Variants in PAWR observed in about 807,000 individuals in gnomAD.
PAWR encodes the protein PRKC apoptosis WT1 regulator protein.
Under a neutral mutation model 32.0 loss-of-function variants are expected in PAWR, and 23 were observed. The observed-to-expected ratio is 0.72, with a 90% CI of 0.52 to 1.02. The LOEUF (loss-of-function observed/expected upper bound fraction) is 1.02, where lower values mean the gene tolerates loss of function less well. Among genes scored for constraint, PAWR ranks in the 50% least tolerant of loss-of-function variants. PAWR has a pLI of 0.00. For missense variants in PAWR, 457 were observed against 437.7 expected (o/e 1.04, Z -0.39); for synonymous variants, 226 against 187.1 (o/e 1.21, Z -1.70).
chr12:79,657,846 C>A (rs1474552296), intron 2 of PAWR, among the ~76,000 whole-genome samples: 1 of 149,944 alleles, frequency 6.7e-6, no homozygotes, highest in Non-Finnish European at 1.5e-5. Context: ...TAAAGGGTAC[C>A]AACATTTAAG....
At chr12:79,659,744 TCAAC>T (rs1169352822) in intron 2 of PAWR, among the ~76,000 whole-genome samples, 2 of 152,168 alleles carry the variant, frequency 1.3e-5, no homozygotes, top group Admixed American at 6.5e-5. Flanking sequence ...AAAAACAACA[TCAAC>T]CAAGTTTTTA....
chr12:79,643,433 G>A (rs933287058), intron 2 of PAWR, among the ~76,000 whole-genome samples: 2 of 152,010 alleles, frequency 1.3e-5, no homozygotes, highest in African/African-American at 2.4e-5. Context: ...TCAACAAAAC[G>A]TCCAGGTACC....
intron 3 of PAWR, among the ~76,000 whole-genome samples, chr12:79,619,548 A>G (rs1213239387): frequency 6.6e-6 from 1 of 152,208 alleles, no homozygotes; most frequent in African/African-American, 2.4e-5. Flanking sequence ...TATAGCGTTC[A>G]GTACTATCTA....
chr12:79,645,630 G>A (rs934310720), intron 2 of PAWR, among the ~76,000 whole-genome samples: 19 of 152,152 alleles, frequency 1.2e-4, no homozygotes, highest in Admixed American at 1.2e-3. Flanking sequence ...CCTGTACAAA[G>A]TCATCTTCCT....
chr12:79,657,587 C>T (rs866845469), intron 2 of PAWR, among the ~76,000 whole-genome samples: 12 of 151,958 alleles, frequency 7.9e-5, no homozygotes, highest in Admixed American at 3.9e-4. Flanking sequence ...GTCAGAAGAC[C>T]GAGACCATCT....
At chr12:79,684,577 C>T (rs1433965058) in intron 2 of PAWR, among the ~76,000 whole-genome samples, 3 of 151,110 alleles carry the variant, frequency 2.0e-5, no homozygotes, top group Non-Finnish European at 4.4e-5. Flanking sequence ...CACCACATGC[C>T]ACTGTACTCC....
At chr12:79,612,196 A>T (rs1349801728) in intron 4 of PAWR, among the ~76,000 whole-genome samples, 1 of 152,238 alleles carries the variant, frequency 6.6e-6, no homozygotes, top group South Asian at 2.1e-4. Flanking sequence ...GTTTCATTAT[A>T]CCTACATCAA....
At chr12:79,639,642 G>A (rs978817663) in intron 2 of PAWR, among the ~76,000 whole-genome samples, 2 of 151,878 alleles carry the variant, frequency 1.3e-5, no homozygotes, top group East Asian at 3.9e-4. Context: ...TTTATATAAT[G>A]CATACCTTCA....
At chr12:79,593,751 G>A (rs1156524471) in intron 6 of PAWR, among the ~76,000 whole-genome samples, 1 of 142,942 alleles carries the variant, frequency 7.0e-6, no homozygotes, top group Non-Finnish European at 1.5e-5. Context: ...TGCCCAGGCT[G>A]GAGTGCAGCA....
chr12:79,651,348 C>T (rs1006295957), intron 2 of PAWR, among the ~76,000 whole-genome samples: 1 of 151,968 alleles, frequency 6.6e-6, no homozygotes, highest in Non-Finnish European at 1.5e-5. Flanking sequence ...AATGCAATCT[C>T]CAAAAAAAGT....
chr12:79,596,014 G>C (rs1402807921), intron 5 of PAWR, among the ~76,000 whole-genome samples: 1 of 152,010 alleles, frequency 6.6e-6, no homozygotes, highest in Non-Finnish European at 1.5e-5. Context: ...ATATAAATTA[G>C]ATCTTTAATA....
chr12:79,663,943 T>A (rs1010029069), intron 2 of PAWR, among the ~76,000 whole-genome samples: 1 of 152,016 alleles, frequency 6.6e-6, no homozygotes, highest in African/African-American at 2.4e-5. Context: ...CAAAAATAAA[T>A]CCAACTACAA....
At chr12:79,645,102 C>T (rs1876512971) in intron 2 of PAWR, among the ~76,000 whole-genome samples, 2 of 150,140 alleles carry the variant, frequency 1.3e-5, no homozygotes, top group African/African-American at 5.0e-5. Context: ...GAGGGTAGAG[C>T]TTCTAATCGG....
rs1167546473 is a variant in PAWR at position 79,589,399 on chromosome 12, C to T, written c.*3208G>A. 6.6e-6 allele frequency: 1 copy of T among 151,910 alleles called. No homozygotes were observed. Among genetic ancestry groups the T allele is most frequent in the Non-Finnish European group, 1.5e-5 (1 of 67,950 alleles). 9.4% of individuals were successfully genotyped at this position (151,910 alleles called of 1,614,324 possible). A position where few individuals can be genotyped will look rare whatever the true frequency, so the allele number is the denominator to read the frequency against. ...TCCAGATTAATCCAAAAAACACAAACCACATGTAACCGAGGTAGGTTTTTC... is the reference window on the plus strand; with the variant it reads ...TCCAGATTAATCCAAAAAACACAAATCACATGTAACCGAGGTAGGTTTTTC... On this transcript the variant is annotated 3_prime_UTR_variant, in exon 7 of 7. Transcript: ENST00000328827.
At chr12:79,608,571 G>T (rs974988418) in intron 4 of PAWR, among the ~76,000 whole-genome samples, 2 of 152,170 alleles carry the variant, frequency 1.3e-5, no homozygotes, top group Non-Finnish European at 2.9e-5. Context: ...GAGGGGTGGG[G>T]ACCCCTGGCT....
intron 2 of PAWR, among the ~76,000 whole-genome samples, chr12:79,664,157 T>C (rs979088590): frequency 1.3e-5 from 2 of 152,186 alleles, no homozygotes; most frequent in African/African-American, 4.8e-5. Context: ...TCTTAAAAGA[T>C]GGACAAAGTA....
intron 2 of PAWR, among the ~76,000 whole-genome samples, chr12:79,658,049 A>G (rs951330789): frequency 6.6e-6 from 1 of 152,164 alleles, no homozygotes; most frequent in African/African-American, 2.4e-5. Context: ...GGTGGGCATC[A>G]TGGTGCAGGA....
intron 2 of PAWR, among the ~76,000 whole-genome samples, chr12:79,683,812 C>T (rs1034247989): frequency 6.6e-6 from 1 of 152,054 alleles, no homozygotes; most frequent in African/African-American, 2.4e-5. Flanking sequence ...TTTGCACAAA[C>T]CTAATAAATA....
intron 2 of PAWR, among the ~76,000 whole-genome samples, chr12:79,680,040 G>A (rs1053254915): frequency 6.6e-6 from 1 of 152,104 alleles, no homozygotes; most frequent in Non-Finnish European, 1.5e-5. Flanking sequence ...ACAGATTGAT[G>A]GGGATACAGA....
Sources: gnomAD v4.1 joint callset for allele counts (sites outside exome capture counted in the v4.1 genomes callset) on GRCh38, gnomAD v4.1.1 for gene constraint, MANE v1.5 for transcripts, NCBI Gene and HGNC (gene_info 2026-07-23, HGNC 2026-07-21) for gene names.